CTTNBP2: variants seen among roughly 807,000 people sequenced by gnomAD.
The protein encoded by CTTNBP2 is cortactin-binding protein 2.
Under a neutral mutation model 156.9 loss-of-function variants are expected in CTTNBP2, and 108 were observed. That is an observed-to-expected ratio of 0.69 (90% confidence interval 0.59 to 0.81). The LOEUF (loss-of-function observed/expected upper bound fraction) is 0.81. Among genes scored for constraint, CTTNBP2 ranks in the 30% least tolerant of loss-of-function variants. The pLI is 0.00. For missense variants in CTTNBP2, 1,924 were observed against 2,035.4 expected (o/e 0.95, Z 1.05); for synonymous variants, 767 against 751.8 (o/e 1.02, Z -0.33).
intron 16 of CTTNBP2, among the ~76,000 whole-genome samples, chr7:117,734,354 C>T (rs1177308252): frequency 6.6e-6 from 1 of 152,294 alleles, no homozygotes; most frequent in African/African-American, 2.4e-5. Context: ...CAGCTACTGG[C>T]CCAATTTAAA....
chr7:117,806,744 A>ATTTTTTTTTTTTTTTTTTTTT (rs3059529), intron 3 of CTTNBP2, among the ~76,000 whole-genome samples: 1 of 119,226 alleles, frequency 8.4e-6, no homozygotes, highest in Non-Finnish European at 1.7e-5. Flanking sequence ...TCTTTTTCTC[A>ATTTTTTTTTTTTTTTTTTTTT]TTTTTTTTTT....
At chr7:117,744,032 T>C (rs764523552) in intron 14 of CTTNBP2, among the ~76,000 whole-genome samples, 25 of 151,958 alleles carry the variant, frequency 1.6e-4, no homozygotes, top group Non-Finnish European at 2.2e-4. Context: ...TAAAAAAAAA[T>C]TGTGGCTACA....
chr7:117,761,753 A>G (rs1797229374), intron 9 of CTTNBP2, among the ~76,000 whole-genome samples: 1 of 152,228 alleles, frequency 6.6e-6, no homozygotes, highest in Non-Finnish European at 1.5e-5. Flanking sequence ...CATCAAAGGT[A>G]TGTTTTTTTC....
At position 117,777,527 on chromosome 7, in the gene CTTNBP2, G is replaced by A. The variant is rs758941112; in HGVS notation, c.2762C>T (p.Ala921Val). The stretch of plus-strand genomic sequence containing the variant: ...CAGACACACCTTAAAACCTTTGGAA[G>A]CAGCAATGTGGGCAGCAGTCCAGCC... ...REGWTAAHIAASKGFKNCLEI... is the reference protein window; with the variant it reads ...REGWTAAHIAVSKGFKNCLEI... Residue 921 changes from alanine to valine, a missense_variant, in exon 8 of 23, where the codon GCT becomes GTT. By Grantham distance (64) the Ala-to-Val change is moderately conservative. Coordinates refer to ENST00000160373, the MANE Select transcript of CTTNBP2 (RefSeq NM_033427.3). 7.4e-6 allele frequency: 12 copies of A among 1,613,152 alleles called. No homozygotes were observed. Among genetic ancestry groups the A allele is most frequent in the South Asian group, 1.1e-5 (1 of 91,026 alleles).
intron 16 of CTTNBP2, among the ~76,000 whole-genome samples, chr7:117,729,020 T>A (rs1795256552): frequency 6.6e-6 from 1 of 152,210 alleles, no homozygotes; most frequent in Admixed American, 6.5e-5. Flanking sequence ...TCTCCCCAGC[T>A]GCCTCATCAA....
At chr7:117,848,454 C>T (rs1322524294) in intron 2 of CTTNBP2, among the ~76,000 whole-genome samples, 1 of 152,192 alleles carries the variant, frequency 6.6e-6, no homozygotes, top group Non-Finnish European at 1.5e-5. Context: ...TACAGTTTTA[C>T]AGTGATATTG....
intron 17 of CTTNBP2, 68 bp from the exon 18 acceptor site, chr7:117,725,325 A>T: frequency 7.1e-7 from 1 of 1,416,986 alleles, no homozygotes; most frequent in South Asian, 1.2e-5. Flanking sequence ...AATTCCGTGA[A>T]AGGACAGTTT....
At chr7:117,842,761 A>C (rs904684201) in intron 2 of CTTNBP2, among the ~76,000 whole-genome samples, 1 of 152,224 alleles carries the variant, frequency 6.6e-6, no homozygotes, top group Non-Finnish European at 1.5e-5. Context: ...TTCTGTGTCT[A>C]TACAATATTC....
intron 9 of CTTNBP2, among the ~76,000 whole-genome samples, chr7:117,765,866 A>G (rs1039276630): frequency 2.6e-5 from 4 of 152,176 alleles, no homozygotes; most frequent in South Asian, 2.1e-4. Context: ...TTGACTGCCA[A>G]TGTAAGGTCA....
intron 12 of CTTNBP2, among the ~76,000 whole-genome samples, chr7:117,748,519 T>C (rs1029312149): frequency 5.3e-5 from 8 of 152,244 alleles, no homozygotes; most frequent in Admixed American, 3.9e-4. Context: ...TTCTTTTGCA[T>C]TGAGAGAGCT....
intron 17 of CTTNBP2, among the ~76,000 whole-genome samples, chr7:117,727,488 C>T (rs1795156091): frequency 6.6e-6 from 1 of 152,184 alleles, no homozygotes; most frequent in Non-Finnish European, 1.5e-5. Context: ...CCACTACATC[C>T]AGCTAAGAAG....
rs532544403 is a variant in CTTNBP2, at chr7:117,870,235, T to C, written c.81+3100A>G. Among the ~76,000 whole-genome samples the C allele has an allele frequency of 7.9e-5, 12 of 152,352 alleles. No individual in the cohort carries two copies. The East Asian group carries it at 2.1e-3, about 27-fold the overall frequency. On this transcript the variant is annotated intron_variant, in intron 1 of 22. Transcript: ENST00000160373. The stretch of plus-strand genomic sequence containing the variant: ...AGGGTAGCAAAGATCATACTCATGA[T>C]GCCTGTATCTCAGTAAGTGTTCAGT...
At chr7:117,788,763 G>A (rs886683134) in intron 4 of CTTNBP2, among the ~76,000 whole-genome samples, 5 of 152,134 alleles carry the variant, frequency 3.3e-5, no homozygotes, top group African/African-American at 1.2e-4. Context: ...TCCCAGTCTA[G>A]GTGCTCAGTA....
intron 1 of CTTNBP2, 96 bp from the exon 2 acceptor site, chr7:117,861,412 G>T: frequency 1.2e-6 from 1 of 820,014 alleles, no homozygotes; most frequent in Non-Finnish European, 2.0e-6. Context: ...TATCCCAGTG[G>T]CTCGGCAGAT....
intron 16 of CTTNBP2, among the ~76,000 whole-genome samples, chr7:117,730,673 GT>G (rs1395616668): frequency 2.0e-5 from 3 of 152,084 alleles, no homozygotes; most frequent in African/African-American, 4.8e-5. Context: ...GACTCTACTG[GT>G]TTTTTTCTTG....
intron 4 of CTTNBP2, among the ~76,000 whole-genome samples, chr7:117,788,874 G>C (rs1798842947): frequency 6.6e-6 from 1 of 152,130 alleles, no homozygotes; most frequent in African/African-American, 2.4e-5. Context: ...TCTACCAAAA[G>C]TAATTCAGAA....
chr7:117,791,881 G>A lies in CTTNBP2; in HGVS notation c.1315C>T (p.Pro439Ser). The part of the protein sequence containing the change: ...HSPCANTSLH[P>S]GLNPRIQAAR... ...GCTTGGATTCGTGGGTTTAGACCTG[G>A]ATGCAAAGAGGTGTTGGCACATGGT... Residue 439 changes from proline to serine, a missense_variant, in exon 4 of 23, where the codon CCA (proline) becomes TCA (serine). Transcript: ENST00000160373. 2.5e-6 allele frequency: 4 copies of A among 1,614,174 alleles called. No individual in the cohort carries two copies. The highest frequency in any genetic ancestry group is 1.6e-4 in the Middle Eastern group (1 of 6,062).
At chr7:117,753,442 G>T (rs1796725174) in intron 12 of CTTNBP2, among the ~76,000 whole-genome samples, 1 of 152,128 alleles carries the variant, frequency 6.6e-6, no homozygotes, top group Non-Finnish European at 1.5e-5. Flanking sequence ...CTATTACAAA[G>T]ATACATGCAT....
At chr7:117,732,333 T>C (rs1795446273) in intron 16 of CTTNBP2, among the ~76,000 whole-genome samples, 1 of 152,162 alleles carries the variant, frequency 6.6e-6, no homozygotes, top group Admixed American at 6.5e-5. Flanking sequence ...TATTTACTTT[T>C]AGGAGAAATA....
Sources: gnomAD v4.1 joint callset for allele counts (sites outside exome capture counted in the v4.1 genomes callset) on GRCh38, gnomAD v4.1.1 for gene constraint, MANE v1.5 for transcripts, NCBI Gene and HGNC (gene_info 2026-07-23, HGNC 2026-07-21) for gene names.